The following CNTNAP2 variants were observed in gnomAD, a reference collection of about 807,000 sequenced individuals.
CNTNAP2 encodes the protein contactin-associated protein-like 2.
In CNTNAP2, 98 loss-of-function variants were observed where a neutral mutation model predicts 155.2. That is an observed-to-expected ratio of 0.63 (90% confidence interval 0.54 to 0.75). The LOEUF (loss-of-function observed/expected upper bound fraction) is 0.75, where lower values mean the gene tolerates loss of function less well. Among genes scored for constraint, CNTNAP2 ranks in the 30% least tolerant of loss-of-function variants. The pLI, the probability that CNTNAP2 is intolerant of heterozygous loss-of-function variation, is 0.00. For synonymous variants in CNTNAP2, 651 were observed against 631.2 expected, an observed-to-expected ratio of 1.03 and a Z score of -0.47; for missense variants, 1,727 against 1,688.1, an observed-to-expected ratio of 1.02 and a Z score of -0.40.
At chr7:147,465,861 G>C (rs1377201464) in intron 10 of CNTNAP2, among the ~76,000 whole-genome samples, 1 of 152,052 alleles carries the variant, frequency 6.6e-6, no homozygotes, top group Non-Finnish European at 1.5e-5. Flanking sequence ...TTAAGAGTTG[G>C]GGCAAACCTT....
At chr7:147,961,775 C>A (rs959955652) in intron 14 of CNTNAP2, among the ~76,000 whole-genome samples, 2 of 151,998 alleles carry the variant, frequency 1.3e-5, no homozygotes, top group African/African-American at 2.4e-5. Context: ...TCTTGGTCAT[C>A]GAATATTCAT....
chr7:147,274,195 C>T (rs559332925), intron 8 of CNTNAP2, among the ~76,000 whole-genome samples: 104 of 151,994 alleles, frequency 6.8e-4, no homozygotes, highest in African/African-American at 2.1e-3. Flanking sequence ...ATGGCTGGAT[C>T]GAATGGTAGT....
chr7:147,108,144 T>C lies in CNTNAP2; in HGVS notation c.551-3T>C, dbSNP rs774304404. On this transcript the variant is annotated splice_region_variant and splice_polypyrimidine_tract_variant and intron_variant, in intron 4 of 23. Transcript: ENST00000361727. ...TAATATGTTATTTTTTTTTTTGTTT[T>C]AGGGGCTGATGTTATCAACTTTGAT... 2 of 1,612,798 alleles carry C rather than the reference T, an allele frequency of 1.2e-6. No homozygotes were observed. The highest frequency in any genetic ancestry group is 1.1e-5 in the South Asian group (1 of 90,972).
chr7:146,282,471 A>C (rs1800267048), intron 1 of CNTNAP2, among the ~76,000 whole-genome samples: 1 of 152,248 alleles, frequency 6.6e-6, no homozygotes, highest in African/African-American at 2.4e-5. Flanking sequence ...AACAGGTTTA[A>C]TGTGTAGGTG....
intron 1 of CNTNAP2, among the ~76,000 whole-genome samples, chr7:146,230,744 G>A (rs796216665): frequency 6.6e-6 from 1 of 152,110 alleles, no homozygotes; most frequent in Non-Finnish European, 1.5e-5. Context: ...GGCCGGGCAC[G>A]GTGGCTCATG....
intron 12 of CNTNAP2, among the ~76,000 whole-genome samples, chr7:147,636,450 A>C (rs1316480467): frequency 1.3e-5 from 2 of 152,000 alleles, no homozygotes; most frequent in African/African-American, 4.8e-5. Context: ...TTTTCCTTTA[A>C]GTTCTTGGAT....
chr7:146,406,518 C>G (rs989082337), intron 1 of CNTNAP2, among the ~76,000 whole-genome samples: 1 of 152,084 alleles, frequency 6.6e-6, no homozygotes, highest in East Asian at 1.9e-4. Flanking sequence ...AATCAAAGCA[C>G]GTAGAATAAG....
chr7:146,842,994 CTTTTTTTTTTTTTTTTT>C (rs35387068), intron 3 of CNTNAP2, among the ~76,000 whole-genome samples: 1 of 13,636 alleles, frequency 7.3e-5, no homozygotes, highest in African/African-American at 2.9e-4. Flanking sequence ...CTGTCCCACA[CTTTTTTTTTTTTTTTTT>C]TTTTTTTTTT....
chr7:147,642,840 G>A (rs1166537105), intron 13 of CNTNAP2, among the ~76,000 whole-genome samples: 1 of 152,034 alleles, frequency 6.6e-6, no homozygotes, highest in Non-Finnish European at 1.5e-5. Context: ...TGCCTGTTTG[G>A]ACATTCTATA....
intron 10 of CNTNAP2, among the ~76,000 whole-genome samples, chr7:147,431,322 T>G (rs538750706): frequency 6.6e-6 from 1 of 152,300 alleles, no homozygotes; most frequent in South Asian, 2.1e-4. Context: ...ATAGAGATGG[T>G]GTCTCTCTAT....
At chr7:146,499,370 C>T (rs1001195909) in intron 1 of CNTNAP2, among the ~76,000 whole-genome samples, 2 of 151,858 alleles carry the variant, frequency 1.3e-5, no homozygotes, top group Non-Finnish European at 2.9e-5. Context: ...TAGTACAGAC[C>T]GGGTTTCACT....
chr7:147,021,999 A>G (rs1444852177), intron 3 of CNTNAP2, among the ~76,000 whole-genome samples: 1 of 152,062 alleles, frequency 6.6e-6, no homozygotes, highest in Non-Finnish European at 1.5e-5. Flanking sequence ...TTGTCATGAA[A>G]ATATTTTTCA....
chr7:146,390,742 TA>T (rs1795529194), intron 1 of CNTNAP2, among the ~76,000 whole-genome samples: 1 of 148,546 alleles, frequency 6.7e-6, no homozygotes, highest in African/African-American at 2.4e-5. Context: ...TGAAATAAAC[TA>T]ATATATATTA....
chr7:146,557,161 A>G (rs911189692), intron 1 of CNTNAP2, among the ~76,000 whole-genome samples: 5 of 152,076 alleles, frequency 3.3e-5, no homozygotes, highest in African/African-American at 4.8e-5. Flanking sequence ...TTCTCCCAAC[A>G]GTGCCATCAG....
intron 1 of CNTNAP2, among the ~76,000 whole-genome samples, chr7:146,289,788 A>G (rs1800400178): frequency 6.6e-6 from 1 of 152,196 alleles, no homozygotes; most frequent in African/African-American, 2.4e-5. Context: ...TATATTCCAG[A>G]GCAGAAACAT....
rs181481095 is a variant in CNTNAP2 at position 146,508,743 on chromosome 7, C to T, written c.98-265528C>T. Reference sequence around the variant, plus strand: ...GGGACATGGTCAAGCAGCATCATCCCGCCCGCTGTTGGGCATTTTCTGGAA... The same window carrying T: ...GGGACATGGTCAAGCAGCATCATCCTGCCCGCTGTTGGGCATTTTCTGGAA... On this transcript the variant is annotated intron_variant, in intron 1 of 23. Transcript: ENST00000361727. Among the ~76,000 whole-genome samples the T allele has an allele frequency of 4.3e-3, 661 of 152,302 alleles. 6 individuals carry two copies. Among genetic ancestry groups the T allele is most frequent in the African/African-American group, 0.015 (609 of 41,570 alleles).
intron 12 of CNTNAP2, among the ~76,000 whole-genome samples, chr7:147,569,280 A>G (rs1800236344): frequency 6.6e-6 from 1 of 152,204 alleles, no homozygotes; most frequent in Admixed American, 6.5e-5. Flanking sequence ...TTACAAGTAC[A>G]GTGTGGGCAG....
At chr7:147,643,250 T>C (rs1258905315) in intron 13 of CNTNAP2, 1 of 152,208 alleles carries the variant, frequency 6.6e-6, no homozygotes, top group Non-Finnish European at 1.5e-5. Flanking sequence ...GCATACATAG[T>C]TACCTCCTTC....
chr7:147,183,692 A>C (rs1046780424), intron 8 of CNTNAP2, among the ~76,000 whole-genome samples: 1 of 152,104 alleles, frequency 6.6e-6, no homozygotes, highest in Non-Finnish European at 1.5e-5. Context: ...CATCAATATC[A>C]CGGGCTTGGG....
Sources: gnomAD v4.1 joint callset for allele counts (sites outside exome capture counted in the v4.1 genomes callset) on GRCh38, gnomAD v4.1.1 for gene constraint, MANE v1.5 for transcripts, NCBI Gene and HGNC (gene_info 2026-07-23, HGNC 2026-07-21) for gene names.